Variants in CSMD1 observed in about 807,000 individuals in gnomAD.
CSMD1 encodes the protein CUB and Sushi multiple domains 1.
Under a neutral mutation model 417.5 loss-of-function variants are expected in CSMD1, and 213 were observed. The ratio of observed to expected loss-of-function variants is 0.51; its 90% CI spans 0.46 to 0.57. The LOEUF (loss-of-function observed/expected upper bound fraction) is 0.57. Among genes scored for constraint, CSMD1 ranks in the 20% least tolerant of loss-of-function variants. CSMD1 has a pLI of 0.00. For missense variants in CSMD1, 6,923 were observed against 4,529.7 expected, an observed-to-expected ratio of 1.53 and a Z score of -15.17; for synonymous variants, 2,862 against 1,736.8, an observed-to-expected ratio of 1.65 and a Z score of -16.11.
chr8:4,207,083 A>C (rs1316267078), intron 3 of CSMD1, among the ~76,000 whole-genome samples: 2 of 152,202 alleles, frequency 1.3e-5, no homozygotes, highest in African/African-American at 4.8e-5. Context: ...TATGAATGCC[A>C]GAAAATTAAA....
At chr8:3,511,758 A>AC (rs1400578277) in intron 10 of CSMD1, among the ~76,000 whole-genome samples, 1 of 133,986 alleles carries the variant, frequency 7.5e-6, no homozygotes, top group East Asian at 2.0e-4. Context: ...TCCATCTCTA[A>AC]AAAAATAACA....
chr8:3,527,889 C>T (rs1006364996), intron 10 of CSMD1, among the ~76,000 whole-genome samples: 1 of 152,188 alleles, frequency 6.6e-6, no homozygotes, highest in Non-Finnish European at 1.5e-5. Flanking sequence ...CTCAGCACCA[C>T]GGACATTACA....
At chr8:4,049,983 C>G (rs995702429) in intron 3 of CSMD1, among the ~76,000 whole-genome samples, 1 of 152,262 alleles carries the variant, frequency 6.6e-6, no homozygotes, top group South Asian at 2.1e-4. Flanking sequence ...GGCAGCTTCT[C>G]GGACCTCCCT....
At chr8:3,360,265 G>C (rs1024335601) in intron 20 of CSMD1, among the ~76,000 whole-genome samples, 3 of 152,196 alleles carry the variant, frequency 2.0e-5, no homozygotes, top group Non-Finnish European at 2.9e-5. Flanking sequence ...ATAAATGTCT[G>C]ATATTTTGCT....
chr8:4,210,714 T>C (rs1476139897), intron 3 of CSMD1, among the ~76,000 whole-genome samples: 5 of 151,740 alleles, frequency 3.3e-5, no homozygotes, highest in Admixed American at 3.3e-4. Flanking sequence ...AATTGTAATG[T>C]TAAACACTAA....
intron 18 of CSMD1, among the ~76,000 whole-genome samples, chr8:3,381,984 G>A (rs1410772281): frequency 3.3e-5 from 5 of 152,070 alleles, no homozygotes; most frequent in Non-Finnish European, 5.9e-5. Flanking sequence ...CAGGCTGGGC[G>A]CGGTGGCTCA....
chr8:4,198,754 T>G (rs930019424), intron 3 of CSMD1, among the ~76,000 whole-genome samples: 1 of 152,174 alleles, frequency 6.6e-6, no homozygotes. Context: ...ACTTTCTATG[T>G]GAATTTTGAA....
At chr8:4,444,786 T>C (rs1367060890) in intron 2 of CSMD1, among the ~76,000 whole-genome samples, 1 of 152,166 alleles carries the variant, frequency 6.6e-6, no homozygotes, top group Non-Finnish European at 1.5e-5. Context: ...ACTAAGAACA[T>C]ATTATTCCAG....
At chr8:3,600,502 T>C (rs1240678453) in intron 8 of CSMD1, among the ~76,000 whole-genome samples, 6 of 152,184 alleles carry the variant, frequency 3.9e-5, no homozygotes, top group African/African-American at 1.4e-4. Flanking sequence ...GGACGCCAAG[T>C]GTCAAAGACT....
chr8:3,591,874 G>C (rs1206939718), intron 8 of CSMD1, among the ~76,000 whole-genome samples: 1 of 152,096 alleles, frequency 6.6e-6, no homozygotes, highest in Non-Finnish European at 1.5e-5. Context: ...TAGATGAATA[G>C]ATGGATAGAT....
At chr8:4,857,676 A>C (rs531569333) in intron 1 of CSMD1, among the ~76,000 whole-genome samples, 85 of 152,196 alleles carry the variant, frequency 5.6e-4, no homozygotes, top group African/African-American at 2.0e-3. Context: ...GAAATGGATA[A>C]ATTCCTGGAC....
At chr8:3,868,082 T>C (rs1248022438) in intron 5 of CSMD1, among the ~76,000 whole-genome samples, 2 of 152,158 alleles carry the variant, frequency 1.3e-5, no homozygotes, top group Admixed American at 1.3e-4. Context: ...TCTCTCATGA[T>C]GCTTAATTCC....
intron 8 of CSMD1, among the ~76,000 whole-genome samples, chr8:3,594,665 C>G (rs966054262): frequency 3.9e-5 from 6 of 152,192 alleles, no homozygotes; most frequent in African/African-American, 1.4e-4. Flanking sequence ...CCTCCCTTCT[C>G]TCACTTCTGA....
intron 3 of CSMD1, among the ~76,000 whole-genome samples, chr8:4,037,999 G>C (rs958868221): frequency 6.6e-6 from 1 of 152,104 alleles, no homozygotes; most frequent in Non-Finnish European, 1.5e-5. Context: ...TATAATTTTA[G>C]TCACTTTATT....
intron 7 of CSMD1, among the ~76,000 whole-genome samples, chr8:3,677,366 T>C (rs1433354686): frequency 6.6e-6 from 1 of 152,144 alleles, no homozygotes; most frequent in Non-Finnish European, 1.5e-5. Flanking sequence ...AATAAGCAGT[T>C]ATTTGCCTCC....
chr8:4,838,928 T>A (rs181781646), intron 1 of CSMD1, among the ~76,000 whole-genome samples: 1 of 152,240 alleles, frequency 6.6e-6, no homozygotes, highest in Non-Finnish European at 1.5e-5. Context: ...ACTTATTTTA[T>A]GAAAGACAAA....
intron 12 of CSMD1, among the ~76,000 whole-genome samples, chr8:3,438,902 G>C (rs1345163364): frequency 6.6e-6 from 1 of 151,680 alleles, no homozygotes; most frequent in East Asian, 2.0e-4. Context: ...GATCACCTGA[G>C]GTTAGGAGTT....
intron 5 of CSMD1, among the ~76,000 whole-genome samples, chr8:3,848,204 CAGA>C (rs1275982565): frequency 6.6e-6 from 1 of 152,112 alleles, no homozygotes; most frequent in East Asian, 1.9e-4. Flanking sequence ...CAGGAACAAT[CAGA>C]AGTTGTCAGG....
chr8:3,776,379 C>A (rs1001006), intron 5 of CSMD1, among the ~76,000 whole-genome samples: 3,116 of 152,244 alleles, frequency 0.02, 141 homozygotes, highest in East Asian at 0.15. Flanking sequence ...AGAGTAAAGC[C>A]AGACTCTAAA....
Sources: allele counts gnomAD v4.1 joint callset (sites outside exome capture counted in the v4.1 genomes callset), GRCh38; gene constraint gnomAD v4.1.1; transcripts MANE v1.5; gene names NCBI Gene and HGNC (gene_info 2026-07-23, HGNC 2026-07-21).